Variants in PATL2 observed in about 807,000 individuals in gnomAD.
PATL2 encodes PAT1 homolog 2.
PATL2 carries 73 observed loss-of-function variants against 77.0 expected under a neutral mutation model. The observed-to-expected ratio is 0.95, with a 90% CI of 0.78 to 1.15. The LOEUF (loss-of-function observed/expected upper bound fraction) is 1.15, where lower values mean the gene tolerates loss of function less well. Ranked by LOEUF, PATL2 falls within the 50% of genes most tolerant of loss-of-function variation. The pLI, the probability that PATL2 is intolerant of heterozygous loss-of-function variation, is 0.00. For synonymous variants in PATL2, 265 were observed against 257.1 expected (o/e 1.03, Z -0.29); for missense variants, 618 against 655.4 (o/e 0.94, Z 0.62).
intron 5 of PATL2, 187 bp from the exon 6 acceptor site, chr15:44,674,417 A>G: frequency 1.7e-6 from 1 of 590,646 alleles, no homozygotes; most frequent in Non-Finnish European, 3.0e-6. Flanking sequence ...CTCTCCTGGG[A>G]GGAATAAGAC....
Position 44,666,490 on chromosome 15 carries a change from G to C in PATL2, c.1515C>G (p.Ala505=). 1 of 1,551,616 alleles carries C rather than the reference G, an allele frequency of 6.4e-7. No individual in the cohort carries two copies. The highest frequency in any genetic ancestry group is 1.2e-5 in the South Asian group (1 of 84,060). ...IAWEIAQMPT[A]SLAEPLAFPS... ...GGAAAGCTAGGGGTTCTGCCAGAGA[G>C]GCTGTAGGCATTTGGGCTATCTCCC... Residue 505 remains alanine (A), a synonymous_variant, in exon 17 of 18, where the codon GCC becomes GCG. Transcript: ENST00000682850.
intron 3 of PATL2, among the ~76,000 whole-genome samples, chr15:44,695,545 C>G (rs370868235): frequency 6.6e-6 from 1 of 152,258 alleles, no homozygotes; most frequent in South Asian, 2.1e-4. Flanking sequence ...ATCTGTGAGC[C>G]CTACATAAAT....
chr15:44,707,786 C>T (rs1303831686), intron 3 of PATL2, among the ~76,000 whole-genome samples: 6 of 152,180 alleles, frequency 3.9e-5, no homozygotes, highest in Admixed American at 3.9e-4. Flanking sequence ...CTGAGCCCAG[C>T]ACAGCACCAG....
chr15:44,668,273 C>T (rs2085482684), intron 15 of PATL2, 69 bp downstream of exon 15: 2 of 1,477,956 alleles, frequency 1.4e-6, no homozygotes, highest in East Asian at 2.5e-5. Context: ...GACTGTCCCC[C>T]AACTTACCCC....
At chr15:44,695,957 G>C (rs1595985295) in intron 3 of PATL2, among the ~76,000 whole-genome samples, 1 of 152,168 alleles carries the variant, frequency 6.6e-6, no homozygotes, top group African/African-American at 2.4e-5. Flanking sequence ...AGTGTCAGGG[G>C]GCAGCCAGAA....
chr15:44,670,236 G>A (rs1480433501), intron 9 of PATL2, 149 bp from the exon 10 acceptor site: 1 of 1,162,382 alleles, frequency 8.6e-7, no homozygotes, highest in Non-Finnish European at 1.2e-6. Flanking sequence ...ATCTCCCTCT[G>A]TCACCCAGCT....
At position 44,665,892 on chromosome 15, in the gene PATL2, T is replaced by G; in HGVS notation, c.*61A>C. On this transcript the variant is annotated 3_prime_UTR_variant, in exon 18 of 18. Coordinates refer to ENST00000682850, the MANE Select transcript of PATL2 (RefSeq NM_001387263.1). ...ACTCTCTGGATCCCTGTAAACATAG[T>G]CTATGTAGCTAGTGTCTGATGATTC... The G allele has an allele frequency of 6.4e-7, 1 of 1,550,560 alleles. No homozygotes were observed. The highest frequency in any genetic ancestry group is 8.7e-7 in the Non-Finnish European group (1 of 1,146,326).
At position 44,667,201 on chromosome 15, in the gene PATL2, A is replaced by G. The variant is rs2085419190; in HGVS notation, c.1368T>C (p.Phe456=). 1 of 1,550,770 alleles carries G rather than the reference A, an allele frequency of 6.4e-7. No individual in the cohort carries two copies. The highest frequency in any genetic ancestry group is 8.7e-7 in the Non-Finnish European group (1 of 1,146,226). ...GCAGGGCATAGAGCAAAGATATTCC[A>G]AACTGCAAGGGACATATATATATTC... The part of the protein sequence containing the change: ...RPVTVVLQNQ[F]GISLLYALLS... Residue 456 remains phenylalanine, a splice_region_variant and synonymous_variant, in exon 16 of 18, where the codon TTT becomes TTC. Transcript: ENST00000682850.
At chr15:44,700,292 C>G (rs1343073197) in intron 3 of PATL2, among the ~76,000 whole-genome samples, 1 of 151,802 alleles carries the variant, frequency 6.6e-6, no homozygotes, top group Non-Finnish European at 1.5e-5. Flanking sequence ...CGTTGATTTT[C>G]TTTTTATTTT....
At chr15:44,684,948 T>C (rs2086220663) in intron 3 of PATL2, among the ~76,000 whole-genome samples, 1 of 152,210 alleles carries the variant, frequency 6.6e-6, no homozygotes, top group African/African-American at 2.4e-5. Flanking sequence ...ATATTTAACA[T>C]TCTTCAAGGA....
chr15:44,689,226 G>A (rs1216433996), intron 3 of PATL2, among the ~76,000 whole-genome samples: 3 of 152,230 alleles, frequency 2.0e-5, no homozygotes, highest in Non-Finnish European at 4.4e-5. Context: ...ATGCTGGGAG[G>A]ATGTGGAGAA....
intron 3 of PATL2, among the ~76,000 whole-genome samples, chr15:44,680,257 A>G (rs560525729): frequency 6.6e-6 from 1 of 152,176 alleles, no homozygotes; most frequent in East Asian, 1.9e-4. Context: ...CTGCTCCATC[A>G]CCAGCCTGCT....
intron 3 of PATL2, among the ~76,000 whole-genome samples, chr15:44,698,540 T>A (rs2086560596): frequency 6.6e-6 from 1 of 152,076 alleles, no homozygotes; most frequent in Non-Finnish European, 1.5e-5. Context: ...TCCAGTTCCA[T>A]CCATATTGCT....
chr15:44,703,508 G>A (rs1249389073), intron 3 of PATL2, among the ~76,000 whole-genome samples: 3 of 151,790 alleles, frequency 2.0e-5, no homozygotes, highest in African/African-American at 7.3e-5. Flanking sequence ...ATATACTCTG[G>A]CCGAATTAAC....
intron 3 of PATL2, among the ~76,000 whole-genome samples, chr15:44,682,660 A>C (rs1389609094): frequency 6.6e-6 from 1 of 152,246 alleles, no homozygotes; most frequent in Admixed American, 6.5e-5. Flanking sequence ...AGAATATCTA[A>C]GCCAGAAATC....
intron 9 of PATL2, among the ~76,000 whole-genome samples, chr15:44,670,517 C>T (rs1018270628): frequency 6.6e-5 from 10 of 152,144 alleles, no homozygotes; most frequent in African/African-American, 2.4e-4. Flanking sequence ...ACACTCTTTC[C>T]TACAACAATC....
In PATL2 at chr15:44,681,619, T is replaced by A. The variant is rs1016572653; in HGVS notation, c.-75-5054A>T. ...TGAAATTGTGTATATGTTGGTGTGG[T>A]TTTCAGTATGTTTGTTTTTCTGGAA... On this transcript the variant is annotated intron_variant, in intron 3 of 17. Coordinates refer to ENST00000682850, the MANE Select transcript of PATL2 (RefSeq NM_001387263.1). Among the ~76,000 whole-genome samples, 6 of 152,298 alleles carry A rather than the reference T, an allele frequency of 3.9e-5. No homozygotes were observed. The South Asian group carries it at 8.3e-4, about 21-fold the overall frequency.
chr15:44,694,378 T>C (rs746110804), intron 3 of PATL2, among the ~76,000 whole-genome samples: 1 of 152,192 alleles, frequency 6.6e-6, no homozygotes, highest in African/African-American at 2.4e-5. Flanking sequence ...TGATCCACAG[T>C]TAAAACAATA....
chr15:44,672,084 G>A lies in PATL2; in HGVS notation c.588C>T (p.Asp196=). The part of the protein sequence containing the change: ...YANLMTRKEK[D]WVIKVQMVQL... ...GCACCATCTGCACTTTTATCACCCA[G>A]TCCTTCTCTTTTCTGGTCATGAGGT... The change falls in exon 9 of 18, where the codon GAC becomes GAT. Residue 196 remains aspartate (D), a synonymous_variant. Coordinates refer to ENST00000682850, the MANE Select transcript of PATL2 (RefSeq NM_001387263.1). 1 of 1,551,710 alleles carries A rather than the reference G, an allele frequency of 6.4e-7. No homozygotes were observed. The highest frequency in any genetic ancestry group is 8.7e-7 in the Non-Finnish European group (1 of 1,146,998).
Sources: allele counts gnomAD v4.1 joint callset (sites outside exome capture counted in the v4.1 genomes callset), GRCh38; gene constraint gnomAD v4.1.1; transcripts MANE v1.5; gene names NCBI Gene and HGNC (gene_info 2026-07-23, HGNC 2026-07-21).